The following CLASP2 variants were observed in gnomAD, a reference collection of about 807,000 sequenced individuals.
The protein encoded by CLASP2 is CLIP-associating protein 2.
In CLASP2, 47 loss-of-function variants were observed where a neutral mutation model predicts 194.4. The observed-to-expected ratio is 0.24, with a 90% CI of 0.19 to 0.31. The LOEUF (loss-of-function observed/expected upper bound fraction) is 0.31. Ranked by LOEUF, CLASP2 falls within the 10% of genes least tolerant of loss-of-function variation. The pLI is 1.00. For missense variants in CLASP2, 1,445 were observed against 1,823.6 expected, an observed-to-expected ratio of 0.79 and a Z score of 3.78; for synonymous variants, 619 against 633.5, an observed-to-expected ratio of 0.98 and a Z score of 0.34.
chr3:33,636,674 C>T (rs971766564), intron 8 of CLASP2, among the ~76,000 whole-genome samples: 1 of 152,172 alleles, frequency 6.6e-6, no homozygotes, highest in Non-Finnish European at 1.5e-5. Flanking sequence ...GATCTCAGCT[C>T]ACTGCAACCT....
At chr3:33,678,890 A>C (rs554674634) in intron 6 of CLASP2, among the ~76,000 whole-genome samples, 4 of 152,332 alleles carry the variant, frequency 2.6e-5, no homozygotes, top group Non-Finnish European at 4.4e-5. Flanking sequence ...TATTCCAGCC[A>C]AGTTATTTTG....
Position 33,592,469 on chromosome 3 carries a change from G to A in CLASP2, c.1994C>T (p.Pro665Leu), listed in dbSNP as rs900282191. Residue 665 changes from proline (P) to leucine (L), a missense_variant, in exon 21 of 39, where the codon CCA becomes CTA. Pro to Leu is a moderately conservative substitution (Grantham distance 98). This residue lies in a region of CLASP2 where 174 missense variants were observed against 179.0 expected (regional missense o/e 0.97). Coordinates refer to ENST00000682230, the MANE Select transcript of CLASP2 (RefSeq NM_001365631.1). ...DGRVRAKLSA[P>L]LAGMGNAKAD... ...CTTGGCATTTCCCATGCCAGCAAGT[G>A]GTGCTGAAAGTTTTGCTCTCACCCG... 3.1e-6 allele frequency: 5 copies of A among 1,613,308 alleles called. No homozygotes were observed. Among genetic ancestry groups the A allele is most frequent in the Non-Finnish European group, 4.2e-6 (5 of 1,179,694 alleles).
At chr3:33,633,813 C>T (rs375903746) in intron 8 of CLASP2, among the ~76,000 whole-genome samples, 1 of 151,804 alleles carries the variant, frequency 6.6e-6, no homozygotes, top group South Asian at 2.1e-4. Flanking sequence ...AGAAGATATA[C>T]CTGAATACAT....
At chr3:33,657,746 T>C (rs1228983991) in intron 7 of CLASP2, among the ~76,000 whole-genome samples, 2 of 152,192 alleles carry the variant, frequency 1.3e-5, no homozygotes, top group Non-Finnish European at 2.9e-5. Flanking sequence ...ATTCTTGGAA[T>C]AAATCATAAC....
chr3:33,552,657 T>C (rs193204681), intron 29 of CLASP2, among the ~76,000 whole-genome samples: 36 of 152,276 alleles, frequency 2.4e-4, no homozygotes, highest in Non-Finnish European at 4.0e-4. Flanking sequence ...ACGTTTCTCA[T>C]AGTCAAGCAA....
At chr3:33,513,983 A>AT (rs1200541871) in intron 36 of CLASP2, among the ~76,000 whole-genome samples, 1 of 151,834 alleles carries the variant, frequency 6.6e-6, no homozygotes, top group Non-Finnish European at 1.5e-5. Context: ...ATTTCCTTTG[A>AT]TTTTTTATTT....
chr3:33,540,501 CAAAGTGCTAGG>C (rs565118797), intron 32 of CLASP2, among the ~76,000 whole-genome samples: 227 of 152,208 alleles, frequency 1.5e-3, no homozygotes, highest in Middle Eastern at 0.014. Context: ...CTTGGCCTCC[CAAAGTGCTAGG>C]ATTGCAAGTG....
chr3:33,695,427 C>T (rs1180599469), intron 2 of CLASP2, among the ~76,000 whole-genome samples: 1 of 151,120 alleles, frequency 6.6e-6, no homozygotes, highest in African/African-American at 2.4e-5. Context: ...AAAATATTAA[C>T]ACAAAGGATG....
chr3:33,510,491 A>G lies in CLASP2; in HGVS notation c.4317+67T>C. ...TGATCATGCCAGTAATGATGCCTGGAAAGTACCTAAAATAACTGTATCCCA... is the reference window on the plus strand; with the variant it reads ...TGATCATGCCAGTAATGATGCCTGGGAAGTACCTAAAATAACTGTATCCCA... On this transcript the variant is annotated intron_variant, in intron 37 of 38. Transcript: ENST00000682230. 6.2e-6 allele frequency: 9 copies of G among 1,446,384 alleles called. No individual in the cohort carries two copies. The South Asian group carries it at 8.3e-5, about 13-fold the overall frequency. The allele number at this position is 1,446,384 out of a possible 1,614,324, so 89.6% of individuals were successfully genotyped here. A position where few individuals can be genotyped will look rare whatever the true frequency, so the allele number is the denominator to read the frequency against.
At chr3:33,602,015 CTT>C (rs1163557505) in intron 18 of CLASP2, among the ~76,000 whole-genome samples, 119 of 139,902 alleles carry the variant, frequency 8.5e-4, no homozygotes, top group Admixed American at 8.6e-4. Context: ...TCCGAAATAC[CTT>C]TTTTTTTTTT....
At position 33,688,057 on chromosome 3, in the gene CLASP2, A is replaced by G. The variant is rs376003590; in HGVS notation, c.470+220T>C. On this transcript the variant is annotated intron_variant, in intron 4 of 38. Transcript: ENST00000682230. The stretch of plus-strand genomic sequence containing the variant: ...TTTGGGTGGCTACTATTAACATACT[A>G]AAGAAAAAAAGAGAAACACTTATTA... Among the ~76,000 whole-genome samples the G allele has an allele frequency of 4.6e-5, 7 of 152,338 alleles. No homozygotes were observed. In the South Asian group the frequency reaches 1.4e-3, roughly 32 times the overall value.
intron 8 of CLASP2, among the ~76,000 whole-genome samples, chr3:33,636,377 GA>G (rs1377643079): frequency 6.6e-6 from 1 of 151,306 alleles, no homozygotes; most frequent in African/African-American, 2.4e-5. Context: ...GCTCCAATAA[GA>G]AAACAAAGGA....
intron 1 of CLASP2, among the ~76,000 whole-genome samples, chr3:33,700,084 T>C (rs556626545): frequency 1.3e-4 from 9 of 71,902 alleles, no homozygotes; most frequent in African/African-American, 5.1e-4. Flanking sequence ...GACAAAAACT[T>C]AGATCTACAC....
chr3:33,604,508 C>T (rs902863072), intron 16 of CLASP2, among the ~76,000 whole-genome samples: 7 of 152,022 alleles, frequency 4.6e-5, no homozygotes, highest in African/African-American at 7.2e-5. Context: ...TAATAGAGAT[C>T]GGGTTTCCCT....
chr3:33,515,925 G>A (rs1559813875), intron 36 of CLASP2, 98 bp downstream of exon 36: 1 of 1,241,576 alleles, frequency 8.1e-7, no homozygotes, highest in East Asian at 2.6e-5. Context: ...CAAGGCAAAT[G>A]TTCAAGAAAA....
chr3:33,700,393 C>T (rs2092291655), intron 1 of CLASP2, among the ~76,000 whole-genome samples: 1 of 152,014 alleles, frequency 6.6e-6, no homozygotes, highest in Non-Finnish European at 1.5e-5. Context: ...TGTCACTGCA[C>T]TCCAGCTGGC....
At chr3:33,573,664 C>G (rs1389349277) in intron 24 of CLASP2, among the ~76,000 whole-genome samples, 1 of 151,908 alleles carries the variant, frequency 6.6e-6, no homozygotes, top group East Asian at 1.9e-4. Context: ...TCACGAAAAA[C>G]CAAGAACTAC....
At chr3:33,704,570 G>A (rs1439371074) in intron 1 of CLASP2, among the ~76,000 whole-genome samples, 12 of 151,912 alleles carry the variant, frequency 7.9e-5, no homozygotes, top group African/African-American at 2.2e-4. Context: ...TGGCTAACAC[G>A]GTGAAACCCC....
chr3:33,671,061 G>C (rs185063502), intron 6 of CLASP2, among the ~76,000 whole-genome samples: 1 of 151,778 alleles, frequency 6.6e-6, no homozygotes, highest in African/African-American at 2.4e-5. Context: ...TGGAAATCCC[G>C]AACTCCAGTC....
Sources: allele counts gnomAD v4.1 joint callset (sites outside exome capture counted in the v4.1 genomes callset), GRCh38; gene constraint gnomAD v4.1.1; regional missense constraint gnomAD v4.1.1; transcripts MANE v1.5; gene names NCBI Gene and HGNC (gene_info 2026-07-23, HGNC 2026-07-21).